Variants in CSK observed in about 807,000 individuals in gnomAD.
CSK encodes the protein C-terminal Src kinase.
A neutral mutation model predicts 62.3 loss-of-function variants in CSK; 7 were observed. That is an observed-to-expected ratio of 0.11 (90% CI 0.06 to 0.21). CSK has a LOEUF of 0.21. Ranked by LOEUF, CSK falls within the 10% of genes least tolerant of loss-of-function variation. CSK has a pLI of 1.00. For missense variants in CSK, 294 were observed against 613.5 expected (o/e 0.48, Z 5.50); for synonymous variants, 237 against 246.0 (o/e 0.96, Z 0.34).
chr15:74,795,972 C>G (rs1425898632), intron 1 of CSK, among the ~76,000 whole-genome samples: 1 of 152,148 alleles, frequency 6.6e-6, no homozygotes, highest in Non-Finnish European at 1.5e-5. Context: ...AATCTCAGCA[C>G]ATTGGGAGGC....
chr15:74,799,249 C>A, intron 4 of CSK, 23 bp from the exon 5 acceptor site: 2 of 1,594,000 alleles, frequency 1.3e-6, no homozygotes, highest in Non-Finnish European at 1.7e-6. Flanking sequence ...GCCACCATGA[C>A]CTCCAGCCCT....
intron 1 of CSK, among the ~76,000 whole-genome samples, chr15:74,786,448 A>G (rs2063523513): frequency 6.6e-6 from 1 of 152,172 alleles, no homozygotes; most frequent in African/African-American, 2.4e-5. Flanking sequence ...CCTGAGCCCC[A>G]GCCCAAGAAC....
At chr15:74,792,234 G>GT (rs2063633128) in intron 1 of CSK, among the ~76,000 whole-genome samples, 1 of 152,054 alleles carries the variant, frequency 6.6e-6, no homozygotes, top group African/African-American at 2.4e-5. Flanking sequence ...GTCCTGCTGT[G>GT]TTTTTTTAAG....
Position 74,794,972 on chromosome 15 carries a change from C to G in CSK, c.-65-3261C>G, listed in dbSNP as rs2063682970. On this transcript the variant is annotated intron_variant, in intron 1 of 12. Coordinates refer to ENST00000220003, the MANE Select transcript of CSK (RefSeq NM_004383.3). ...CTTGAAACCATCCCCTACAGTGTCC[C>G]CTGAGCAGCGGTGCTCAAGGTGGAC... 2.6e-5 allele frequency among the ~76,000 whole-genome samples: 4 copies of G among 152,158 alleles called. No individual in the cohort carries two copies. In the South Asian group the frequency reaches 8.3e-4, roughly 31 times the overall value.
At chr15:74,792,640 C>G (rs2141802354) in intron 1 of CSK, among the ~76,000 whole-genome samples, 1 of 152,372 alleles carries the variant, frequency 6.6e-6, no homozygotes, top group East Asian at 1.9e-4. Context: ...CTCCTCCCAG[C>G]CACTCTGGCT....
chr15:74,800,772 G>T (rs1276605328), intron 7 of CSK, 26 bp downstream of exon 7: 1 of 1,586,212 alleles, frequency 6.3e-7, no homozygotes, highest in East Asian at 2.3e-5. Flanking sequence ...CCCCCTGGGG[G>T]GGTTCTGAGG....
Position 74,802,906 on chromosome 15 carries a change from C to G in CSK, c.*393C>G. The stretch of plus-strand genomic sequence containing the variant: ...GCAAATGGGCATTTTACAAGAAGTA[C>G]GAATCTTATTTTTCCTGTCCTGCCC... On this transcript the variant is annotated 3_prime_UTR_variant, in exon 13 of 13. Transcript: ENST00000220003. The G allele has an allele frequency of 5.1e-6, 1 of 195,892 alleles. No individual in the cohort carries two copies. Among genetic ancestry groups the G allele is most frequent in the South Asian group, 8.3e-5 (1 of 12,050 alleles). The allele number at this position is 195,892 out of a possible 1,614,324, so 12.1% of individuals were successfully genotyped here.
At position 74,803,119 on chromosome 15, in the gene CSK, C is replaced by CCA. The variant is rs1253136473; in HGVS notation, c.*608_*609dup. ...GATTTCGTGTGCCGCTGCCACCCGC[C>CCA]CACCCGCCTTGTGAGATGGAATTGT... On this transcript the variant is annotated 3_prime_UTR_variant, in exon 13 of 13. Coordinates refer to ENST00000220003, the MANE Select transcript of CSK (RefSeq NM_004383.3). 6.5e-6 allele frequency: 1 copy of CCA among 153,438 alleles called. No individual in the cohort carries two copies. The highest frequency in any genetic ancestry group is 1.5e-5 in the Non-Finnish European group (1 of 68,648). 9.5% of individuals were successfully genotyped at this position (153,438 alleles called of 1,614,324 possible). A position where few individuals can be genotyped will look rare whatever the true frequency, so the allele number is the denominator to read the frequency against.
chr15:74,800,804 A>G lies in CSK; in HGVS notation c.623-19A>G, dbSNP rs1388798578. 6.2e-7 allele frequency: 1 copy of G among 1,605,706 alleles called. No homozygotes were observed. ...GAGGGACTCCGAACTTGGGAACAAG[A>G]CCACCTCTCTGCCCCCAGACGTGAT... On this transcript the variant is annotated intron_variant, in intron 7 of 12. Transcript: ENST00000220003.
chr15:74,798,975 C>T lies in CSK; in HGVS notation c.242+37C>T, dbSNP rs2063748302. On this transcript the variant is annotated intron_variant, in intron 4 of 12. Coordinates refer to ENST00000220003, the MANE Select transcript of CSK (RefSeq NM_004383.3). The surrounding 1 kb of genome is among the most constrained non-coding windows in gnomAD (Gnocchi z 6.6). ...GAGGAGGGGTTGGGGAGGGAAGGGG[C>T]CTTGGTCCTCCTGAAGGAGCATCAG... 1.4e-6 allele frequency: 2 copies of T among 1,461,980 alleles called. No homozygotes were observed. Among genetic ancestry groups the T allele is most frequent in the African/African-American group, 2.0e-5 (1 of 49,362 alleles). The allele number at this position is 1,461,980 out of a possible 1,614,324, so 90.6% of individuals were successfully genotyped here.
At chr15:74,785,213 G>A (rs1377828691) in intron 1 of CSK, among the ~76,000 whole-genome samples, 1 of 152,120 alleles carries the variant, frequency 6.6e-6, no homozygotes, top group African/African-American at 2.4e-5. Flanking sequence ...TGTGTGTGCC[G>A]TGACACCTTT....
intron 1 of CSK, among the ~76,000 whole-genome samples, chr15:74,790,630 C>T (rs1357624977): frequency 1.3e-5 from 2 of 152,254 alleles, no homozygotes; most frequent in African/African-American, 2.4e-5. Flanking sequence ...AATGGGGTGA[C>T]AGCTGCTGTC....
Position 74,799,252 on chromosome 15 carries a change from C to T in CSK, c.243-20C>T, listed in dbSNP as rs538976874. The T allele has an allele frequency of 3.1e-6, 5 of 1,597,532 alleles. No individual in the cohort carries two copies. The highest frequency in any genetic ancestry group is 2.2e-5 in the South Asian group (2 of 89,776). ...CAGTACCTTTGGGCCACCATGACCT[C>T]CAGCCCTGCTGCTCCCCAGTTGGTT... On this transcript the variant is annotated intron_variant, in intron 4 of 12. Transcript: ENST00000220003.
intron 1 of CSK, among the ~76,000 whole-genome samples, chr15:74,785,329 G>A (rs145685932): frequency 3.9e-5 from 6 of 152,224 alleles, no homozygotes; most frequent in South Asian, 4.2e-4. Context: ...CTGCTGCAGC[G>A]CCATCACCCA....
intron 1 of CSK, among the ~76,000 whole-genome samples, chr15:74,792,191 TCTC>T (rs2063632426): frequency 6.6e-6 from 1 of 152,076 alleles, no homozygotes; most frequent in South Asian, 2.1e-4. Context: ...CTCCCCATCA[TCTC>T]CTGCTACTAC....
At chr15:74,783,979 C>A (rs35197434) in intron 1 of CSK, among the ~76,000 whole-genome samples, 3,277 of 152,328 alleles carry the variant, frequency 0.022, 54 homozygotes, top group East Asian at 0.071. Context: ...AGAGTGGGGA[C>A]ACCCAGGGGG....
chr15:74,784,534 T>C (rs909516402), intron 1 of CSK, among the ~76,000 whole-genome samples: 24 of 152,096 alleles, frequency 1.6e-4, no homozygotes, highest in Non-Finnish European at 3.4e-4. Context: ...GTGAGCTTGG[T>C]GCCCTCCACC....
intron 12 of CSK, 96 bp downstream of exon 12, chr15:74,802,179 C>G: frequency 6.9e-7 from 1 of 1,448,894 alleles, no homozygotes; most frequent in Non-Finnish European, 9.4e-7. Flanking sequence ...CAATCAAGGC[C>G]TAGAAGCCTC....
At chr15:74,793,695 A>T (rs2063660258) in intron 1 of CSK, among the ~76,000 whole-genome samples, 1 of 152,234 alleles carries the variant, frequency 6.6e-6, no homozygotes, top group South Asian at 2.1e-4. Flanking sequence ...GCACAGAATA[A>T]GTGCTCAGAA....
Sources: gnomAD v4.1 joint callset for allele counts (sites outside exome capture counted in the v4.1 genomes callset) on GRCh38, gnomAD v4.1.1 for gene constraint, Gnocchi (gnomAD v3.1) non-coding constraint, MANE v1.5 for transcripts, NCBI Gene and HGNC (gene_info 2026-07-23, HGNC 2026-07-21) for gene names.